The following REDIC1 variants were observed in gnomAD, a reference collection of about 807,000 sequenced individuals.
The protein encoded by REDIC1 is HEI10 Interacting Protein 1.
chr12:39,876,084 A>C, the REDIC1 span, among the ~76,000 whole-genome samples: 1 of 152,222 alleles, frequency 6.6e-6, no homozygotes, highest in East Asian at 1.9e-4. Flanking sequence ...CATCTTCTTC[A>C]AAGATTCCCT....
chr12:39,679,917 G>T, the REDIC1 span, among the ~76,000 whole-genome samples: 1 of 152,116 alleles, frequency 6.6e-6, no homozygotes. Context: ...AACAAATGGT[G>T]CTGGGATAGT....
the REDIC1 span, among the ~76,000 whole-genome samples, chr12:39,751,937 G>T: frequency 6.6e-6 from 1 of 152,162 alleles, no homozygotes; most frequent in Non-Finnish European, 1.5e-5. Flanking sequence ...AGCATTAGGA[G>T]ATATACCTAA....
the REDIC1 span, chr12:39,760,107 A>G: frequency 6.8e-6 from 11 of 1,612,826 alleles, no homozygotes; most frequent in African/African-American, 9.4e-5. Context: ...ATCTCCCTTC[A>G]TCAGAATCTG....
At chr12:39,750,338 C>T in the REDIC1 span, among the ~76,000 whole-genome samples, 72 of 152,180 alleles carry the variant, frequency 4.7e-4, no homozygotes, top group African/African-American at 1.5e-3. Context: ...AATAAAATAC[C>T]TAGGAATCCA....
the REDIC1 span, chr12:39,788,608 A>T: frequency 6.6e-6 from 1 of 152,210 alleles, no homozygotes; most frequent in Non-Finnish European, 1.5e-5. Flanking sequence ...CTGTGGAACG[A>T]GAAACCATGG....
the REDIC1 span, among the ~76,000 whole-genome samples, chr12:39,703,345 G>A: frequency 6.6e-5 from 10 of 150,560 alleles, no homozygotes; most frequent in South Asian, 2.2e-3. Context: ...TTGCTTCCAA[G>A]AGAATAAAAT....
chr12:39,691,929 T>G, the REDIC1 span: 1 of 856,502 alleles, frequency 1.2e-6, no homozygotes, highest in East Asian at 3.6e-5. Context: ...TAAACCATGT[T>G]GAACTGAAGT....
chr12:39,716,984 A>T, the REDIC1 span: 3 of 459,602 alleles, frequency 6.5e-6, no homozygotes, highest in African/African-American at 2.1e-5. Flanking sequence ...AAAAAATTTT[A>T]AAAAGTACAT....
chr12:39,780,422 T>G, the REDIC1 span, among the ~76,000 whole-genome samples: 1 of 152,214 alleles, frequency 6.6e-6, no homozygotes, highest in Non-Finnish European at 1.5e-5. Context: ...TTAGCATTCT[T>G]TTTAATAACA....
At chr12:39,861,526 G>T in the REDIC1 span, among the ~76,000 whole-genome samples, 1 of 152,176 alleles carries the variant, frequency 6.6e-6, no homozygotes, top group Non-Finnish European at 1.5e-5. Flanking sequence ...TCAAGTATTT[G>T]AGGGAAGCGT....
chr12:39,797,774 A>G, the REDIC1 span, among the ~76,000 whole-genome samples: 2 of 152,044 alleles, frequency 1.3e-5, no homozygotes, highest in East Asian at 3.8e-4. Context: ...ACACACACAC[A>G]CATACACGGA....
the REDIC1 span, among the ~76,000 whole-genome samples, chr12:39,707,099 T>C: frequency 6.6e-6 from 1 of 151,920 alleles, no homozygotes; most frequent in African/African-American, 2.4e-5. Context: ...GGAGAAAATA[T>C]TTGCAAATTA....
chr12:39,744,167 T>A, the REDIC1 span, among the ~76,000 whole-genome samples: 2 of 152,140 alleles, frequency 1.3e-5, no homozygotes, highest in African/African-American at 4.8e-5. Context: ...CATGCAAGCA[T>A]GAAAAGAGTG....
the REDIC1 span, among the ~76,000 whole-genome samples, chr12:39,662,496 T>C: frequency 4.1e-5 from 6 of 146,048 alleles, no homozygotes; most frequent in Admixed American, 4.2e-4. Flanking sequence ...CCTGTAACTT[T>C]ACTGAATTTA....
the REDIC1 span, chr12:39,684,193 C>T: frequency 1.9e-6 from 2 of 1,033,648 alleles, no homozygotes; most frequent in Non-Finnish European, 2.4e-6. Flanking sequence ...TAAATTTATT[C>T]CTTAAAAGTT....
At chr12:39,664,128 G>T in the REDIC1 span, among the ~76,000 whole-genome samples, 4 of 151,690 alleles carry the variant, frequency 2.6e-5, no homozygotes, top group East Asian at 5.8e-4. Context: ...ACAATGTGCA[G>T]GTTAGTTACA....
chr12:39,644,408 A>G, the REDIC1 span, among the ~76,000 whole-genome samples: 17 of 151,804 alleles, frequency 1.1e-4, no homozygotes, highest in Admixed American at 1.1e-3. Flanking sequence ...AATAAAGTCC[A>G]TTTTGTCATA....
the REDIC1 span, among the ~76,000 whole-genome samples, chr12:39,712,940 C>T: frequency 7.1e-6 from 1 of 141,574 alleles, no homozygotes; most frequent in South Asian, 2.2e-4. Context: ...CGTGTATATA[C>T]GTGTATATAC....
chr12:39,757,122 A>G, the REDIC1 span: 1 of 151,836 alleles, frequency 6.6e-6, no homozygotes, highest in African/African-American at 2.4e-5. Context: ...ATGTGTTTAT[A>G]TGCAGATGAA....
Sources: gnomAD v4.1 joint callset for allele counts (sites outside exome capture counted in the v4.1 genomes callset) on GRCh38, gnomAD v4.1.1 for gene constraint, MANE v1.5 for transcripts, NCBI Gene and HGNC (gene_info 2026-07-23, HGNC 2026-07-21) for gene names.